The following ZC3H11A variants were observed in gnomAD, a reference collection of about 807,000 sequenced individuals.
ZC3H11A encodes the protein zinc finger CCCH-type containing 11A, also known as zinc finger CCCH domain-containing protein 11A.
A neutral mutation model predicts 90.8 loss-of-function variants in ZC3H11A; 22 were observed. That is an observed-to-expected ratio of 0.24 (90% confidence interval 0.17 to 0.35). The LOEUF is 0.35. Among genes scored for constraint, ZC3H11A ranks in the 10% least tolerant of loss-of-function variants. The probability of loss-of-function intolerance (pLI) is 1.00; values close to 1 mark genes in which losing one functional copy is unlikely to be tolerated. For missense variants in ZC3H11A, 701 were observed against 964.9 expected, an observed-to-expected ratio of 0.73 and a Z score of 3.62; for synonymous variants, 294 against 339.8, an observed-to-expected ratio of 0.87 and a Z score of 1.48.
chr1:203,802,669 TTTTTTCATGATCCTTTAAC>T lies in ZC3H11A; in HGVS notation c.-491_-473del, dbSNP rs1670882531. 1 of 152,382 alleles carries T rather than the reference TTTTTTCATGATCCTTTAAC, an allele frequency of 6.6e-6. No homozygotes were observed. 9.4% of individuals were successfully genotyped at this position (152,382 alleles called of 1,614,324 possible). ...TTGTTCAGCTATGGAAGATGGAGTT[TTTTTTCATGATCCTTTAAC>T]TCTCAAGTTCATCTTTAAATGAACT... On this transcript the variant is annotated 5_prime_UTR_variant, in exon 2 of 18. The change abolishes an upstream ATG in the 5' untranslated region. Coordinates refer to ENST00000367210, the MANE Select transcript of ZC3H11A (RefSeq NM_001376342.1).
rs1688201370 is a variant in ZC3H11A at position 203,847,470 on chromosome 1, A to G, written c.1329A>G (p.Thr443=). The part of the protein sequence containing the change: ...KLKIDSEIKK[T]VVLPPIVASR... Reference sequence around the variant, plus strand: ...AGATTGATAGTGAAATTAAAAAAACAGTAGTTTTGCCACCCATTGTTGCCA... The same window carrying G: ...AGATTGATAGTGAAATTAAAAAAACGGTAGTTTTGCCACCCATTGTTGCCA... The change falls in exon 13 of 18, where the codon ACA becomes ACG. Residue 443 remains threonine, a synonymous_variant. Coordinates refer to ENST00000367210, the MANE Select transcript of ZC3H11A (RefSeq NM_001376342.1). 6.2e-7 allele frequency: 1 copy of G among 1,613,966 alleles called. No individual in the cohort carries two copies. The highest frequency in any genetic ancestry group is 8.5e-7 in the Non-Finnish European group (1 of 1,179,868).
intron 2 of ZC3H11A, among the ~76,000 whole-genome samples, chr1:203,808,994 C>G (rs761123595): frequency 2.0e-4 from 30 of 151,816 alleles, no homozygotes; most frequent in Non-Finnish European, 3.5e-4. Context: ...CCACGCCCAG[C>G]TAATTTTGTA....
intron 4 of ZC3H11A, among the ~76,000 whole-genome samples, chr1:203,824,327 A>G (rs1679785027): frequency 6.6e-6 from 1 of 151,974 alleles, no homozygotes; most frequent in Non-Finnish European, 1.5e-5. Context: ...TCACTTGCAT[A>G]TGAATTTTAA....
intron 4 of ZC3H11A, among the ~76,000 whole-genome samples, chr1:203,826,758 C>T (rs1680651332): frequency 6.6e-6 from 1 of 152,152 alleles, no homozygotes; most frequent in African/African-American, 2.4e-5. Context: ...CGACATAATG[C>T]AGTTCATCGG....
intron 14 of ZC3H11A, 46 bp downstream of exon 14, chr1:203,848,453 C>G (rs1443294839): frequency 6.9e-7 from 1 of 1,445,716 alleles, no homozygotes; most frequent in South Asian, 1.2e-5. Context: ...CAAACAAAGG[C>G]TAGATAATTG....
At chr1:203,831,563 C>T in intron 8 of ZC3H11A, 98 bp from the exon 9 acceptor site, 1 of 892,662 alleles carries the variant, frequency 1.1e-6, no homozygotes, top group Non-Finnish European at 1.8e-6. Flanking sequence ...TAATATCAGT[C>T]TGTATTGGAC....
chr1:203,832,859 A>C (rs772489799), intron 9 of ZC3H11A, among the ~76,000 whole-genome samples: 65 of 152,244 alleles, frequency 4.3e-4, no homozygotes, highest in Non-Finnish European at 7.5e-4. Context: ...ATCAAAGTGC[A>C]TAAGCAAAAG....
chr1:203,824,356 AG>A (rs1315296069), intron 4 of ZC3H11A, among the ~76,000 whole-genome samples: 5 of 152,118 alleles, frequency 3.3e-5, no homozygotes, highest in African/African-American at 1.2e-4. Context: ...GGAAGTATAA[AG>A]GTGAAACTTA....
intron 1 of ZC3H11A, chr1:203,799,167 C>G: frequency 1.4e-6 from 2 of 1,392,980 alleles, no homozygotes; most frequent in Non-Finnish European, 2.0e-6. Context: ...CCAGATTGGT[C>G]TGTGGCTTTC....
In ZC3H11A at chr1:203,815,216, C is replaced by CTTTTTTTTTTTTTT. The variant is rs59254922; in HGVS notation, c.-145-1707_-145-1694dup. Among the ~76,000 whole-genome samples, 31 of 97,144 alleles carry CTTTTTTTTTTTTTT rather than the reference C, an allele frequency of 3.2e-4. 1 individual carries two copies. Among genetic ancestry groups the CTTTTTTTTTTTTTT allele is most frequent in the Non-Finnish European group, 4.3e-4 (22 of 51,634 alleles). The allele number at this position is 97,144 out of a possible 152,430, so 63.7% of individuals were successfully genotyped here. A position where few individuals can be genotyped will look rare whatever the true frequency, so the allele number is the denominator to read the frequency against. ...TTCATTATTTTCTTCCTTTTCTTTT[C>CTTTTTTTTTTTTTT]TTTTTTTTTTTTTTTTGAGACAGTG... is the stretch of plus-strand genomic sequence containing the variant. On this transcript the variant is annotated intron_variant, in intron 2 of 17. Transcript: ENST00000367210.
intron 2 of ZC3H11A, chr1:203,806,045 C>A: frequency 3.8e-6 from 2 of 528,828 alleles, no homozygotes; most frequent in South Asian, 1.6e-5. Flanking sequence ...TGCTGCTGCT[C>A]ATACATCCGC....
intron 3 of ZC3H11A, among the ~76,000 whole-genome samples, chr1:203,818,198 A>G (rs908141236): frequency 6.6e-6 from 1 of 152,120 alleles, no homozygotes; most frequent in Non-Finnish European, 1.5e-5. Flanking sequence ...TGTTAATTAT[A>G]TTTAAATTCT....
chr1:203,826,200 A>C (rs1243602762), intron 4 of ZC3H11A, among the ~76,000 whole-genome samples: 1 of 152,196 alleles, frequency 6.6e-6, no homozygotes. Context: ...AATTCTTCCT[A>C]GTTCTTTGAA....
chr1:203,805,323 G>A (rs1215750223), intron 2 of ZC3H11A, among the ~76,000 whole-genome samples: 2 of 151,702 alleles, frequency 1.3e-5, no homozygotes, highest in East Asian at 1.9e-4. Flanking sequence ...AGTAGAGATG[G>A]GGTTTCACCA....
chr1:203,804,087 GT>G (rs1008079130), intron 2 of ZC3H11A, among the ~76,000 whole-genome samples: 1 of 149,702 alleles, frequency 6.7e-6, no homozygotes, highest in African/African-American at 2.5e-5. Flanking sequence ...GTTTCATAGT[GT>G]TTTGGTTTTG....
intron 1 of ZC3H11A, chr1:203,798,150 G>A (rs1288885706): frequency 6.5e-7 from 1 of 1,536,088 alleles, no homozygotes; most frequent in East Asian, 2.4e-5. Flanking sequence ...TCCCTCTTCT[G>A]GAAGCAATGG....
intron 11 of ZC3H11A, among the ~76,000 whole-genome samples, chr1:203,838,954 CAAA>C (rs59033094): frequency 5.7e-4 from 56 of 97,920 alleles, no homozygotes; most frequent in South Asian, 2.8e-3. Flanking sequence ...GACTTCATCT[CAAA>C]AAAAAAAAAA....
intron 1 of ZC3H11A, chr1:203,798,490 A>T: frequency 6.5e-7 from 1 of 1,536,150 alleles, no homozygotes; most frequent in Non-Finnish European, 8.7e-7. Context: ...GTTGCCAACA[A>T]AGACAGTGGT....
At chr1:203,803,826 C>T (rs1671271036) in intron 2 of ZC3H11A, among the ~76,000 whole-genome samples, 2 of 152,048 alleles carry the variant, frequency 1.3e-5, no homozygotes, top group African/African-American at 4.8e-5. Flanking sequence ...AGGCTGTTCT[C>T]AAACTCCTGG....
Sources: allele counts gnomAD v4.1 joint callset (sites outside exome capture counted in the v4.1 genomes callset), GRCh38; gene constraint gnomAD v4.1.1; transcripts MANE v1.5; gene names NCBI Gene and HGNC (gene_info 2026-07-23, HGNC 2026-07-21).